MAML2: variants seen among roughly 807,000 people sequenced by gnomAD.
The protein encoded by MAML2 is mastermind-like protein 2.
A neutral mutation model predicts 96.1 loss-of-function variants in MAML2; 22 were observed. The ratio of observed to expected loss-of-function variants is 0.23; its 90% CI spans 0.16 to 0.33. The LOEUF (loss-of-function observed/expected upper bound fraction) is 0.33. Ranked by LOEUF, MAML2 falls within the 10% of genes least tolerant of loss-of-function variation. The pLI is 1.00. For missense variants in MAML2, 1,367 were observed against 1,392.4 expected, an observed-to-expected ratio of 0.98 and a Z score of 0.29; for synonymous variants, 561 against 521.3, an observed-to-expected ratio of 1.08 and a Z score of -1.04.
At chr11:96,177,956 G>GTGTGTGTT (rs1274321239) in intron 1 of MAML2, among the ~76,000 whole-genome samples, 2 of 141,416 alleles carry the variant, frequency 1.4e-5, no homozygotes, top group Non-Finnish European at 3.0e-5. Context: ...GTGTGTGTGT[G>GTGTGTGTT]TTTAAATAAG....
intron 1 of MAML2, among the ~76,000 whole-genome samples, chr11:96,157,523 AT>A (rs2135884798): frequency 6.6e-6 from 1 of 152,372 alleles, no homozygotes; most frequent in African/African-American, 2.4e-5. Context: ...CCCCACCACC[AT>A]TCTTGTCAGT....
At chr11:96,196,402 C>T (rs1591066790) in intron 1 of MAML2, among the ~76,000 whole-genome samples, 1 of 152,232 alleles carries the variant, frequency 6.6e-6, no homozygotes, top group Admixed American at 6.5e-5. Context: ...AAAACCCCTC[C>T]TCTTGGGGAA....
chr11:96,297,049 T>C (rs1215912560), intron 1 of MAML2, among the ~76,000 whole-genome samples: 1 of 152,056 alleles, frequency 6.6e-6, no homozygotes, highest in Non-Finnish European at 1.5e-5. Flanking sequence ...GTGCACATCA[T>C]AGGTACTGTC....
intron 1 of MAML2, among the ~76,000 whole-genome samples, chr11:96,337,791 A>G (rs760237308): frequency 6.6e-6 from 1 of 152,252 alleles, no homozygotes; most frequent in Non-Finnish European, 1.5e-5. Flanking sequence ...GTTTATTACT[A>G]CTAACACTAG....
intron 1 of MAML2, among the ~76,000 whole-genome samples, chr11:96,327,086 G>T (rs1863795946): frequency 6.6e-6 from 1 of 152,352 alleles, no homozygotes; most frequent in African/African-American, 2.4e-5. Flanking sequence ...GAGAGAAGGA[G>T]ATCAGTCATG....
At chr11:96,045,916 T>A (rs545300885) in intron 2 of MAML2, among the ~76,000 whole-genome samples, 11 of 150,246 alleles carry the variant, frequency 7.3e-5, no homozygotes, top group African/African-American at 2.7e-4. Context: ...TTTTTTTTTT[T>A]TTCCCCCATT....
At position 96,262,461 on chromosome 11, in the gene MAML2, T is replaced by A. The variant is rs534103231; in HGVS notation, c.513+78922A>T. 2.0e-5 allele frequency among the ~76,000 whole-genome samples: 3 copies of A among 148,346 alleles called. No individual in the cohort carries two copies. The East Asian group carries it at 6.3e-4, about 31-fold the overall frequency. ...TCACCATTTGTTCTTATTTTTAAAA[T>A]TTAATCTTTTTTTTTTTCTTTTTTG... is the stretch of plus-strand genomic sequence containing the variant. On this transcript the variant is annotated intron_variant, in intron 1 of 4. Coordinates refer to ENST00000524717, the MANE Select transcript of MAML2 (RefSeq NM_032427.4).
chr11:96,155,509 A>ATATATAT (rs1860995339), intron 1 of MAML2, among the ~76,000 whole-genome samples: 1 of 74,848 alleles, frequency 1.3e-5, no homozygotes, highest in Non-Finnish European at 2.5e-5. Flanking sequence ...TAACAATTCA[A>ATATATAT]ATATATATAT....
rs1488736602 is a variant in MAML2, at chr11:96,341,593, G to A, written c.303C>T (p.Thr101=). Residue 101 remains threonine, a synonymous_variant, in exon 1 of 5, where the codon ACC becomes ACT. Transcript: ENST00000524717. The stretch of plus-strand genomic sequence containing the variant: ...CAGGGGGCGGTGGAGGGGCTGTAGT[G>A]GTGGCAGCAGTGGCGGTGGCCTTGG... ...KHTKATATAA[T]TTAPPPPPAA... 3 of 1,551,664 alleles carry A rather than the reference G, an allele frequency of 1.9e-6. No homozygotes were observed. Among genetic ancestry groups the A allele is most frequent in the Admixed American group, 2.0e-5 (1 of 51,024 alleles).
chr11:96,256,163 C>A (rs560011143), intron 1 of MAML2, among the ~76,000 whole-genome samples: 2 of 152,002 alleles, frequency 1.3e-5, no homozygotes, highest in African/African-American at 4.8e-5. Context: ...TGTGACCCAC[C>A]GCACCTGGCC....
At chr11:95,984,991 TGA>T (rs947792596) in intron 4 of MAML2, among the ~76,000 whole-genome samples, 1 of 152,214 alleles carries the variant, frequency 6.6e-6, no homozygotes, top group Non-Finnish European at 1.5e-5. Flanking sequence ...TATTTTATAC[TGA>T]GAGAGCTATT....
intron 1 of MAML2, among the ~76,000 whole-genome samples, chr11:96,159,404 A>ATT (rs1157893034): frequency 0.011 from 667 of 61,936 alleles, 32 homozygotes; most frequent in Non-Finnish European, 0.013. Context: ...TAAACCACTG[A>ATT]TTCTTTTTTT....
intron 1 of MAML2, among the ~76,000 whole-genome samples, chr11:96,136,718 TAAAG>T (rs1189061587): frequency 1.3e-5 from 2 of 152,192 alleles, no homozygotes; most frequent in Non-Finnish European, 2.9e-5. Flanking sequence ...TCCTCAATAA[TAAAG>T]AAATTTCAAA....
intron 1 of MAML2, among the ~76,000 whole-genome samples, chr11:96,209,771 G>A (rs16923288): frequency 0.054 from 8,172 of 152,128 alleles, 708 homozygotes; most frequent in African/African-American, 0.19. Flanking sequence ...ACAGTGCCAC[G>A]AAACTATCGA....
chr11:96,271,140 T>C (rs1160377953), intron 1 of MAML2, among the ~76,000 whole-genome samples: 2 of 152,206 alleles, frequency 1.3e-5, no homozygotes, highest in African/African-American at 4.8e-5. Flanking sequence ...CTTCCTTACC[T>C]TTGAGGTTCG....
intron 1 of MAML2, among the ~76,000 whole-genome samples, chr11:96,311,963 A>G (rs1264012012): frequency 6.6e-6 from 1 of 152,086 alleles, no homozygotes; most frequent in Non-Finnish European, 1.5e-5. Flanking sequence ...AACACCGGCC[A>G]GGCTTGGTGG....
intron 1 of MAML2, among the ~76,000 whole-genome samples, chr11:96,274,483 G>C (rs533521031): frequency 8.4e-4 from 128 of 151,890 alleles, no homozygotes; most frequent in African/African-American, 3.0e-3. Context: ...TTGTTTCTCT[G>C]TTAACTATAA....
At chr11:96,015,439 C>G in intron 2 of MAML2, among the ~76,000 whole-genome samples, 1 of 152,028 alleles carries the variant, frequency 6.6e-6, no homozygotes, top group South Asian at 2.1e-4. Context: ...TTTGTAAACA[C>G]TGTACTCCAG....
intron 1 of MAML2, among the ~76,000 whole-genome samples, chr11:96,203,065 G>A (rs1861848678): frequency 6.6e-6 from 1 of 152,136 alleles, no homozygotes; most frequent in African/African-American, 2.4e-5. Context: ...ATGAATGACA[G>A]CACAGCAATT....
Sources: gnomAD v4.1 joint callset for allele counts (sites outside exome capture counted in the v4.1 genomes callset) on GRCh38, gnomAD v4.1.1 for gene constraint, MANE v1.5 for transcripts, NCBI Gene and HGNC (gene_info 2026-07-23, HGNC 2026-07-21) for gene names.